The following MEF2C variants were observed in gnomAD, a reference collection of about 807,000 sequenced individuals.
MEF2C encodes the protein myocyte enhancer factor 2C, also known as myocyte-specific enhancer factor 2C.
In MEF2C, 6 loss-of-function variants were observed where a neutral mutation model predicts 50.5. That is an observed-to-expected ratio of 0.12 (90% CI 0.07 to 0.23). MEF2C has a LOEUF of 0.23. MEF2C is among the 10% of genes least tolerant of loss of function. The pLI is 1.00. For missense variants in MEF2C, 276 were observed against 605.0 expected, an observed-to-expected ratio of 0.46 and a Z score of 5.70; for synonymous variants, 183 against 228.0, an observed-to-expected ratio of 0.80 and a Z score of 1.78.
At chr5:88,754,499 G>A (rs143531474) in intron 4 of MEF2C, among the ~76,000 whole-genome samples, 2 of 152,214 alleles carry the variant, frequency 1.3e-5, no homozygotes, top group African/African-American at 2.4e-5. Flanking sequence ...CTGCAACCTT[G>A]GGCCATAATA....
intron 4 of MEF2C, among the ~76,000 whole-genome samples, chr5:88,756,027 G>A (rs1775123908): frequency 6.6e-6 from 1 of 152,154 alleles, no homozygotes; most frequent in Non-Finnish European, 1.5e-5. Context: ...CTTTGTGATT[G>A]GCTAAGCAGT....
chr5:88,845,850 C>A (rs1018372697), intron 1 of MEF2C, among the ~76,000 whole-genome samples: 4 of 151,624 alleles, frequency 2.6e-5, no homozygotes, highest in African/African-American at 9.7e-5. Flanking sequence ...CCTGCCTCAG[C>A]CTCCCAAGTA....
chr5:88,751,475 CAG>C (rs1772715462), intron 5 of MEF2C: 3 of 985,128 alleles, frequency 3.0e-6, no homozygotes, highest in Non-Finnish European at 3.6e-6. Flanking sequence ...TCACAGAACA[CAG>C]GGGAAGGTTT....
chr5:88,840,455 T>C (rs112157520), intron 1 of MEF2C, among the ~76,000 whole-genome samples: 3 of 152,334 alleles, frequency 2.0e-5, no homozygotes, highest in African/African-American at 4.8e-5. Flanking sequence ...AAAATATACA[T>C]AGTCCTTGAA....
intron 1 of MEF2C, among the ~76,000 whole-genome samples, chr5:88,902,592 C>T (rs868458053): frequency 6.0e-5 from 9 of 150,774 alleles, no homozygotes; most frequent in African/African-American, 1.9e-4. Flanking sequence ...ATATCCATGT[C>T]GTCACTGATT....
chr5:88,879,397 A>T (rs1294517453), intron 1 of MEF2C, among the ~76,000 whole-genome samples: 1 of 150,386 alleles, frequency 6.6e-6, no homozygotes, highest in African/African-American at 2.4e-5. Context: ...TATATATATA[A>T]AATTTGACCA....
intron 3 of MEF2C, among the ~76,000 whole-genome samples, chr5:88,787,844 C>T (rs1238595914): frequency 1.3e-5 from 2 of 152,210 alleles, no homozygotes; most frequent in Admixed American, 6.5e-5. Flanking sequence ...CTTATTTCTA[C>T]GTTCTTACTA....
intron 3 of MEF2C, among the ~76,000 whole-genome samples, chr5:88,788,974 G>A (rs1213535536): frequency 6.6e-6 from 1 of 152,162 alleles, no homozygotes; most frequent in African/African-American, 2.4e-5. Flanking sequence ...AGTAGCTCAT[G>A]CATAGGGTAA....
intron 6 of MEF2C, chr5:88,736,719 A>G: frequency 2.0e-6 from 2 of 985,324 alleles, no homozygotes; most frequent in South Asian, 4.7e-5. Context: ...TTCCTTTTTC[A>G]TACATGAGTG....
intron 2 of MEF2C, chr5:88,819,388 C>T (rs1437977623): frequency 1.5e-5 from 15 of 985,096 alleles, no homozygotes; most frequent in Non-Finnish European, 1.8e-5. Flanking sequence ...ACAGGACCTT[C>T]AAAGCTTTGC....
chr5:88,728,794 A>G (rs1180770490), intron 9 of MEF2C, among the ~76,000 whole-genome samples, 166 bp from the exon 10 acceptor site: 1 of 152,200 alleles, frequency 6.6e-6, no homozygotes, highest in Admixed American at 6.5e-5. Context: ...CGATAATTCT[A>G]ATTTAAAAGG....
intron 3 of MEF2C, among the ~76,000 whole-genome samples, chr5:88,779,760 G>GTTTTTTTTTTTTTT (rs70996493): frequency 6.8e-6 from 1 of 147,158 alleles, no homozygotes; most frequent in Non-Finnish European, 1.5e-5. Flanking sequence ...GCAAAGTGAG[G>GTTTTTTTTTTTTTT]TTTTTTTTTT....
intron 1 of MEF2C, among the ~76,000 whole-genome samples, chr5:88,903,059 C>G (rs1008310424): frequency 9.9e-5 from 15 of 151,934 alleles, no homozygotes; most frequent in Non-Finnish European, 1.9e-4. Context: ...AATAGAGTCA[C>G]TTTTTAAAAA....
intron 3 of MEF2C, among the ~76,000 whole-genome samples, chr5:88,776,799 T>C (rs1267348543): frequency 4.6e-5 from 7 of 152,240 alleles, no homozygotes; most frequent in Admixed American, 4.6e-4. Flanking sequence ...CAGCACTTTA[T>C]GATCTAACAT....
At position 88,777,906 on chromosome 5, in the gene MEF2C, T is replaced by TC. The variant is rs1402355313; in HGVS notation, c.259-16579_259-16578insG. Among the ~76,000 whole-genome samples, 15 of 134,616 alleles carry TC rather than the reference T, an allele frequency of 1.1e-4. 1 individual carries two copies. Among genetic ancestry groups the TC allele is most frequent in the Admixed American group, 4.4e-4 (6 of 13,670 alleles). 88.3% of individuals were successfully genotyped at this position (134,616 alleles called of 152,430 possible). On this transcript the variant is annotated intron_variant, in intron 3 of 10. Transcript: ENST00000504921. ...GTGCTAAATTTTTCTTTTCTTTTTT[T>TC]TTTTTTTTTTTTTTTTGAGATGGAG...
chr5:88,784,612 A>G (rs1471480092), intron 3 of MEF2C, among the ~76,000 whole-genome samples: 1 of 152,230 alleles, frequency 6.6e-6, no homozygotes, highest in East Asian at 1.9e-4. Flanking sequence ...AAAAGAACCA[A>G]TATTTTCCAT....
chr5:88,732,253 G>A (rs949518184), intron 6 of MEF2C, among the ~76,000 whole-genome samples: 4 of 152,128 alleles, frequency 2.6e-5, no homozygotes, highest in African/African-American at 9.7e-5. Flanking sequence ...CTAGCTTGGC[G>A]GAGGCCTGGC....
intron 4 of MEF2C, among the ~76,000 whole-genome samples, chr5:88,759,685 A>G (rs1777007149): frequency 6.6e-6 from 1 of 151,174 alleles, no homozygotes; most frequent in Non-Finnish European, 1.5e-5. Flanking sequence ...GTTTTATGAA[A>G]CCCTTAAGAA....
chr5:88,793,650 T>C (rs1393139101), intron 3 of MEF2C, among the ~76,000 whole-genome samples: 1 of 152,156 alleles, frequency 6.6e-6, no homozygotes, highest in Admixed American at 6.5e-5. Context: ...ATTTTGTACA[T>C]ATATATTTAT....
Sources: allele counts gnomAD v4.1 joint callset (sites outside exome capture counted in the v4.1 genomes callset), GRCh38; gene constraint gnomAD v4.1.1; transcripts MANE v1.5; gene names NCBI Gene and HGNC (gene_info 2026-07-23, HGNC 2026-07-21).